The following PAXBP1 variants were observed in gnomAD, a reference collection of about 807,000 sequenced individuals.
The protein encoded by PAXBP1 is PAX3 and PAX7 binding protein 1.
PAXBP1 carries 44 observed loss-of-function variants against 119.9 expected under a neutral mutation model. The observed-to-expected ratio is 0.37, with a 90% confidence interval of 0.29 to 0.47. The LOEUF is 0.47. PAXBP1 is among the 20% of genes least tolerant of loss of function. PAXBP1 has a pLI of 0.99. For missense variants in PAXBP1, 898 were observed against 1,134.1 expected (o/e 0.79, Z 2.99); for synonymous variants, 393 against 406.6 (o/e 0.97, Z 0.40).
Position 32,748,396 on chromosome 21 carries a change from C to A in PAXBP1, c.1923+103G>T, listed in dbSNP as rs988128736. 1.0e-5 allele frequency: 11 copies of A among 1,061,112 alleles called. No homozygotes were observed. In the African/African-American group the frequency reaches 1.3e-4, roughly 12 times the overall value. 65.7% of individuals were successfully genotyped at this position (1,061,112 alleles called of 1,614,324 possible). A position where few individuals can be genotyped will look rare whatever the true frequency, so the allele number is the denominator to read the frequency against. On this transcript the variant is annotated intron_variant, in intron 11 of 17. Coordinates refer to ENST00000331923, the MANE Select transcript of PAXBP1 (RefSeq NM_016631.4). ...ATCAATTATAGCCTATGCCCTATCA[C>A]CCCTGCAAAATATTTTGCTTAAGCT...
At chr21:32,746,941 T>C (rs1052296877) in intron 11 of PAXBP1, among the ~76,000 whole-genome samples, 22 of 152,120 alleles carry the variant, frequency 1.4e-4, no homozygotes, top group Non-Finnish European at 2.9e-5. Flanking sequence ...TGCAGGGACA[T>C]GGATGGAGCT....
At chr21:32,769,292 T>C (rs2044294426) in intron 2 of PAXBP1, among the ~76,000 whole-genome samples, 1 of 152,126 alleles carries the variant, frequency 6.6e-6, no homozygotes, top group Non-Finnish European at 1.5e-5. Flanking sequence ...GTAAGAGATG[T>C]CTGTACAATA....
At chr21:32,755,521 G>A (rs1333471677) in intron 7 of PAXBP1, 168 bp from the exon 8 acceptor site, 10 of 742,606 alleles carry the variant, frequency 1.3e-5, no homozygotes, top group Non-Finnish European at 1.8e-5. Flanking sequence ...TTTGGGAAAC[G>A]ACACTTCTTC....
chr21:32,751,100 C>T lies in PAXBP1; in HGVS notation c.1607+19G>A. On this transcript the variant is annotated intron_variant, in intron 9 of 17. Transcript: ENST00000331923. The stretch of plus-strand genomic sequence containing the variant: ...TCCTCCCTTCCCAAACAAGCCAGAG[C>T]AAGGGTTTTGAGAATTACCTCCTGG... 6.2e-7 allele frequency: 1 copy of T among 1,613,256 alleles called. No homozygotes were observed. The highest frequency in any genetic ancestry group is 8.5e-7 in the Non-Finnish European group (1 of 1,179,288).
chr21:32,755,001 A>G (rs925203882), intron 8 of PAXBP1, among the ~76,000 whole-genome samples: 1 of 152,188 alleles, frequency 6.6e-6, no homozygotes, highest in Admixed American at 6.5e-5. Context: ...AAGAATAAGA[A>G]GACTGACAGA....
chr21:32,738,761 C>T (rs983477776), intron 15 of PAXBP1, among the ~76,000 whole-genome samples: 2 of 152,132 alleles, frequency 1.3e-5, no homozygotes, highest in Non-Finnish European at 2.9e-5. Flanking sequence ...AGTTATATCA[C>T]TTATGCATCT....
intron 14 of PAXBP1, 124 bp downstream of exon 14, chr21:32,743,554 T>C: frequency 1.3e-6 from 1 of 776,360 alleles, no homozygotes; most frequent in South Asian, 1.7e-5. Flanking sequence ...GCCACTAATC[T>C]AGTCTCTCTG....
intron 1 of PAXBP1, 23 bp from the exon 2 acceptor site, chr21:32,769,965 G>C: frequency 6.8e-7 from 1 of 1,478,116 alleles, no homozygotes; most frequent in Non-Finnish European, 9.1e-7. Context: ...ATTAAATGAA[G>C]TCTGTAGCAA....
chr21:32,755,526 T>C (rs2044030326), intron 7 of PAXBP1, 173 bp from the exon 8 acceptor site: 1 of 704,704 alleles, frequency 1.4e-6, no homozygotes, highest in South Asian at 2.3e-5. Context: ...GAAACGACAC[T>C]TCTTCTTTTA....
intron 2 of PAXBP1, among the ~76,000 whole-genome samples, chr21:32,767,339 T>C (rs915914105): frequency 5.3e-5 from 8 of 152,118 alleles, no homozygotes; most frequent in African/African-American, 1.9e-4. Context: ...TACAATACAA[T>C]CAGACTCCGC....
intron 3 of PAXBP1, among the ~76,000 whole-genome samples, chr21:32,763,519 A>C (rs182155966): frequency 3.5e-4 from 54 of 152,344 alleles, no homozygotes; most frequent in African/African-American, 1.3e-3. Context: ...CAACTTTCTC[A>C]GCCCAGAGTA....
At chr21:32,750,865 C>A in intron 10 of PAXBP1, 52 bp downstream of exon 10, 1 of 1,345,596 alleles carries the variant, frequency 7.4e-7, no homozygotes, top group South Asian at 1.3e-5. Flanking sequence ...AAAACCATAC[C>A]CAAGTAGAAA....
At chr21:32,768,393 A>G (rs537923795) in intron 2 of PAXBP1, among the ~76,000 whole-genome samples, 1 of 152,352 alleles carries the variant, frequency 6.6e-6, no homozygotes, top group South Asian at 2.1e-4. Flanking sequence ...CTCCAGGACA[A>G]AAGTTCAAAT....
rs768360164 is a variant in PAXBP1 at position 32,771,439 on chromosome 21, C to G, written c.230G>C (p.Gly77Ala). ...GGGCTCCGCGCCGCCGGGGAAGCCGCCCCCGGCCTCAGCCCCGAGGCCCGG... is the reference window on the plus strand; with the variant it reads ...GGGCTCCGCGCCGCCGGGGAAGCCGGCCCCGGCCTCAGCCCCGAGGCCCGG... ...LTPGLGAEAG[G>A]GFPGGAEPGN... The change falls in exon 1 of 18, where the codon GGC becomes GCC. Residue 77 changes from glycine to alanine, a missense_variant. Gly to Ala is a moderately conservative substitution (Grantham distance 60). This residue lies in a region of PAXBP1 where 299 missense variants were observed against 281.4 expected (regional missense o/e 1.06). Coordinates refer to ENST00000331923, the MANE Select transcript of PAXBP1 (RefSeq NM_016631.4). 3.3e-6 allele frequency: 5 copies of G among 1,506,784 alleles called. No homozygotes were observed. The Admixed American group carries it at 1.1e-4, about 32-fold the overall frequency. The allele number at this position is 1,506,784 out of a possible 1,614,324, so 93.3% of individuals were successfully genotyped here.
intron 15 of PAXBP1, among the ~76,000 whole-genome samples, chr21:32,740,191 T>C (rs903957940): frequency 6.6e-6 from 1 of 152,282 alleles, no homozygotes; most frequent in African/African-American, 2.4e-5. Context: ...GAAAAACTTA[T>C]CAGAAACTCC....
At position 32,755,366 on chromosome 21, in the gene PAXBP1, AAC is replaced by A. The variant is rs777111079; in HGVS notation, c.1384-15_1384-14del. On this transcript the variant is annotated splice_polypyrimidine_tract_variant and intron_variant, in intron 7 of 17. Coordinates refer to ENST00000331923, the MANE Select transcript of PAXBP1 (RefSeq NM_016631.4). ...TAATCAGTGGCACCTGTAAAAATAC[AAC>A]ACACTCCGTAACACCAAACTCCTCA... The A allele has an allele frequency of 2.5e-6, 4 of 1,610,250 alleles. No homozygotes were observed. The highest frequency in any genetic ancestry group is 1.3e-5 in the African/African-American group (1 of 74,660).
At position 32,752,865 on chromosome 21, in the gene PAXBP1, C is replaced by T. The variant is rs934772972; in HGVS notation, c.1508-1647G>A. On this transcript the variant is annotated intron_variant, in intron 8 of 17. Coordinates refer to ENST00000331923, the MANE Select transcript of PAXBP1 (RefSeq NM_016631.4). Reference sequence around the variant, plus strand: ...GCCAAGCTGGTCTCAAACTCCGCCTCGGCCTCTCAAAGTGCTGGGATTACA... The same window carrying T: ...GCCAAGCTGGTCTCAAACTCCGCCTTGGCCTCTCAAAGTGCTGGGATTACA... Among the ~76,000 whole-genome samples the T allele has an allele frequency of 7.9e-5, 12 of 152,184 alleles. No individual in the cohort carries two copies. In the East Asian group the frequency reaches 1.6e-3, roughly 20 times the overall value.
At chr21:32,746,301 A>C (rs566449501) in intron 11 of PAXBP1, among the ~76,000 whole-genome samples, 6 of 152,360 alleles carry the variant, frequency 3.9e-5, no homozygotes, top group African/African-American at 1.4e-4. Flanking sequence ...TCTACGCAGC[A>C]AAAGAAACTA....
intron 11 of PAXBP1, among the ~76,000 whole-genome samples, chr21:32,746,546 A>C (rs2043875184): frequency 6.6e-6 from 1 of 152,232 alleles, no homozygotes; most frequent in Admixed American, 6.5e-5. Context: ...TCTAAACCAC[A>C]ATGAGATACC....
Sources: allele counts gnomAD v4.1 joint callset (sites outside exome capture counted in the v4.1 genomes callset), GRCh38; gene constraint gnomAD v4.1.1; regional missense constraint gnomAD v4.1.1; transcripts MANE v1.5; gene names NCBI Gene and HGNC (gene_info 2026-07-23, HGNC 2026-07-21).